The following RYR3 variants were observed in gnomAD, a reference collection of about 807,000 sequenced individuals.
The protein encoded by RYR3 is brain ryanodine receptor-calcium release channel.
Under a neutral mutation model 584.3 loss-of-function variants are expected in RYR3, and 207 were observed. That is an observed-to-expected ratio of 0.35 (90% CI 0.32 to 0.40). The LOEUF is 0.40. RYR3 is among the 10% of genes least tolerant of loss of function. The probability of loss-of-function intolerance (pLI) is 1.00; values close to 1 mark genes in which losing one functional copy is unlikely to be tolerated. For synonymous variants in RYR3, 2,416 were observed against 2,248.5 expected (o/e 1.07, Z -2.11); for missense variants, 5,616 against 6,089.2 (o/e 0.92, Z 2.59).
chr15:33,391,102 A>G (rs1310296219), intron 1 of RYR3, among the ~76,000 whole-genome samples: 2 of 152,122 alleles, frequency 1.3e-5, no homozygotes, highest in Non-Finnish European at 2.9e-5. Flanking sequence ...CTGAAACAGT[A>G]AGAAATATGT....
intron 85 of RYR3, among the ~76,000 whole-genome samples, chr15:33,827,614 G>T (rs954953425): frequency 1.3e-5 from 2 of 152,138 alleles, no homozygotes; most frequent in Admixed American, 6.5e-5. Context: ...AATGAGAACA[G>T]ATTTCACTAG....
chr15:33,712,875 AATAATGTATGCCTCAC>A (rs1286082180), intron 43 of RYR3, among the ~76,000 whole-genome samples: 1 of 152,178 alleles, frequency 6.6e-6, no homozygotes, highest in African/African-American at 2.4e-5. Context: ...CAGAGATGAT[AATAATGTATGCCTCAC>A]AGAGTTGTGA....
At chr15:33,429,489 A>G (rs1156847862) in intron 1 of RYR3, among the ~76,000 whole-genome samples, 5 of 152,222 alleles carry the variant, frequency 3.3e-5, no homozygotes. Context: ...GGCTTCTGAA[A>G]GGCAGACGCT....
chr15:33,318,162 T>C (rs543726227), intron 1 of RYR3, among the ~76,000 whole-genome samples: 2 of 152,358 alleles, frequency 1.3e-5, no homozygotes, highest in South Asian at 2.1e-4. Context: ...GAGCTGCTGC[T>C]GCCTGTGCAG....
chr15:33,407,956 A>G (rs1047837778), intron 1 of RYR3, among the ~76,000 whole-genome samples: 3 of 151,680 alleles, frequency 2.0e-5, no homozygotes, highest in Admixed American at 1.3e-4. Flanking sequence ...TTGCTTGAGG[A>G]TAGGGTTGCC....
At chr15:33,343,426 A>G (rs1972067193) in intron 1 of RYR3, among the ~76,000 whole-genome samples, 1 of 152,032 alleles carries the variant, frequency 6.6e-6, no homozygotes. Flanking sequence ...TCTTTGTGGC[A>G]CCTCCTGCTG....
chr15:33,481,502 A>G (rs187893684), intron 2 of RYR3, among the ~76,000 whole-genome samples: 74 of 151,430 alleles, frequency 4.9e-4, no homozygotes, highest in African/African-American at 1.7e-3. Context: ...TTTTTTTGAG[A>G]CAGAGTCTTG....
chr15:33,497,039 C>T (rs2051501943), intron 2 of RYR3, among the ~76,000 whole-genome samples: 1 of 152,174 alleles, frequency 6.6e-6, no homozygotes, highest in African/African-American at 2.4e-5. Context: ...TGACTACCTG[C>T]ATGGCTAATA....
chr15:33,387,426 G>A (rs954033494), intron 1 of RYR3, among the ~76,000 whole-genome samples: 3 of 152,086 alleles, frequency 2.0e-5, no homozygotes, highest in Non-Finnish European at 4.4e-5. Flanking sequence ...CATAGCAGCA[G>A]CATCATTTTA....
At chr15:33,475,572 C>T (rs1478590731) in intron 2 of RYR3, among the ~76,000 whole-genome samples, 1 of 152,214 alleles carries the variant, frequency 6.6e-6, no homozygotes, top group East Asian at 1.9e-4. Flanking sequence ...TCCTGCTGTG[C>T]AGCCTGGTTC....
intron 3 of RYR3, among the ~76,000 whole-genome samples, chr15:33,518,916 C>A (rs141683439): frequency 6.6e-6 from 1 of 152,302 alleles, no homozygotes; most frequent in African/African-American, 2.4e-5. Context: ...AGAATGAATG[C>A]TGAGGCGTAC....
intron 3 of RYR3, among the ~76,000 whole-genome samples, chr15:33,517,422 G>A (rs1326880055): frequency 1.3e-5 from 2 of 152,210 alleles, no homozygotes; most frequent in African/African-American, 2.4e-5. Flanking sequence ...GAAACTCGCT[G>A]TAATGTAACC....
At chr15:33,742,297 C>A in intron 51 of RYR3, 69 bp from the exon 52 acceptor site, 4 of 980,178 alleles carry the variant, frequency 4.1e-6, no homozygotes, top group Non-Finnish European at 6.6e-6. Flanking sequence ...ATTGGTAGTT[C>A]TGACTATCTT....
intron 1 of RYR3, among the ~76,000 whole-genome samples, chr15:33,447,192 G>A (rs1311038931): frequency 6.6e-6 from 1 of 152,202 alleles, no homozygotes. Context: ...ATTTCATGTA[G>A]TGTCAATAAA....
In RYR3 at chr15:33,699,699, T is replaced by G. The variant is rs1395623026; in HGVS notation, c.6250-5T>G. ...TTGTCTGACACTTTCTACTTCTCCC[T>G]ACAGATTGCATTTCCAAAGATGGTT... On this transcript the variant is annotated splice_region_variant and splice_polypyrimidine_tract_variant and intron_variant, in intron 40 of 103. Coordinates refer to ENST00000634891, the MANE Select transcript of RYR3 (RefSeq NM_001036.6). 3 of 1,613,314 alleles carry G rather than the reference T, an allele frequency of 1.9e-6. No individual in the cohort carries two copies. Among genetic ancestry groups the G allele is most frequent in the Non-Finnish European group, 2.5e-6 (3 of 1,179,488 alleles).
intron 1 of RYR3, among the ~76,000 whole-genome samples, chr15:33,437,436 G>C (rs190459002): frequency 2.0e-5 from 3 of 152,192 alleles, no homozygotes; most frequent in African/African-American, 4.8e-5. Context: ...ACCTGATCTT[G>C]TTACGATTTA....
chr15:33,622,749 G>A (rs545073732), intron 19 of RYR3, among the ~76,000 whole-genome samples: 8 of 152,206 alleles, frequency 5.3e-5, no homozygotes, highest in African/African-American at 1.7e-4. Context: ...TCCATATCTC[G>A]CCATGTTTTA....
intron 1 of RYR3, among the ~76,000 whole-genome samples, chr15:33,337,016 C>T (rs1234153394): frequency 7.7e-5 from 10 of 130,612 alleles, no homozygotes; most frequent in Admixed American, 3.6e-4. Context: ...GAGATAGTGC[C>T]GCTGCACTCC....
At chr15:33,531,418 A>G (rs906447925) in intron 4 of RYR3, among the ~76,000 whole-genome samples, 8 of 152,090 alleles carry the variant, frequency 5.3e-5, no homozygotes, top group Non-Finnish European at 1.0e-4. Flanking sequence ...TCAATCAACT[A>G]TATGCCACTC....
Sources: gnomAD v4.1 joint callset for allele counts (sites outside exome capture counted in the v4.1 genomes callset) on GRCh38, gnomAD v4.1.1 for gene constraint, MANE v1.5 for transcripts, NCBI Gene and HGNC (gene_info 2026-07-23, HGNC 2026-07-21) for gene names.